Variants in ZNF718 observed in about 807,000 individuals in gnomAD.
ZNF718 encodes the protein zinc finger protein 718.
ZNF718 carries 3 observed loss-of-function variants against 2.6 expected under a neutral mutation model. The ratio of observed to expected loss-of-function variants is 1.16; its 90% CI spans 0.53 to 3.01. The LOEUF (loss-of-function observed/expected upper bound fraction) is 3.01, where lower values mean the gene tolerates loss of function less well. ZNF718 is among the 30% of genes most tolerant of loss of function. ZNF718 has a pLI of 0.03. For synonymous variants in ZNF718, 135 were observed against 77.9 expected, an observed-to-expected ratio of 1.73 and a Z score of -3.86; for missense variants, 468 against 230.0, an observed-to-expected ratio of 2.03 and a Z score of -6.69.
intron 3 of ZNF718, among the ~76,000 whole-genome samples, chr4:183,419 C>T: frequency 6.6e-6 from 1 of 152,124 alleles, no homozygotes; most frequent in East Asian, 1.9e-4. Flanking sequence ...AGTATAGTTT[C>T]AAGTCAGGTA....
chr4:160,459 A>G (rs1370045652), intron 3 of ZNF718, among the ~76,000 whole-genome samples: 1 of 152,184 alleles, frequency 6.6e-6, no homozygotes, highest in Non-Finnish European at 1.5e-5. Flanking sequence ...GGCCTGTGGT[A>G]TTTACTGAGC....
At chr4:126,330 T>C (rs985741656) in intron 1 of ZNF718, among the ~76,000 whole-genome samples, 72 of 152,238 alleles carry the variant, frequency 4.7e-4, no homozygotes, top group African/African-American at 1.7e-3. Flanking sequence ...AGCATTTAGG[T>C]GGAAAATTTT....
In ZNF718 at chr4:128,520, C is replaced by G. The variant is rs1210522313; in HGVS notation, c.4-2268C>G. Among the ~76,000 whole-genome samples, 2 of 102,874 alleles carry G rather than the reference C, an allele frequency of 1.9e-5. 1 individual carries two copies. The highest frequency in any genetic ancestry group is 6.8e-5 in the African/African-American group (2 of 29,462). The allele number at this position is 102,874 out of a possible 152,430, so 67.5% of individuals were successfully genotyped here. The stretch of plus-strand genomic sequence containing the variant: ...GTCCTTCTTCTTACCTCAGAGTTAG[C>G]TGATCAGGGACAGGGGATATCACAT... On this transcript the variant is annotated intron_variant, in intron 1 of 3. Transcript: ENST00000510175.
Position 130,813 on chromosome 4 carries a change from C to G in ZNF718, c.29C>G (p.Ala10Gly). The G allele has an allele frequency of 7.7e-6, 3 of 391,978 alleles. 1 individual carries two copies. Among genetic ancestry groups the G allele is most frequent in the South Asian group, 3.8e-5 (1 of 25,986 alleles). 24.3% of individuals were successfully genotyped at this position (391,978 alleles called of 1,614,324 possible). A position where few individuals can be genotyped will look rare whatever the true frequency, so the allele number is the denominator to read the frequency against. The change falls in exon 2 of 4, where the codon GCC becomes GGC. Residue 10 changes from alanine (A) to glycine (G), a missense_variant. By Grantham distance (60) the Ala-to-Gly change is moderately conservative (BLOSUM62 0). Coordinates refer to ENST00000510175, the MANE Select transcript of ZNF718 (RefSeq NM_001039127.6). MELLTFKDV[A>G]IEFSPEEWKC... ...GAACTCTTAACATTCAAGGATGTGG[C>G]CATAGAATTCTCTCCAGAAGAGTGG...
intron 3 of ZNF718, among the ~76,000 whole-genome samples, chr4:177,606 C>T (rs1027126974): frequency 2.0e-5 from 3 of 152,162 alleles, no homozygotes; most frequent in Non-Finnish European, 1.5e-5. Flanking sequence ...CACCTAGAAA[C>T]TCTCAGAGTT....
chr4:167,556 G>A (rs1023871500), downstream of ZNF718, among the ~76,000 whole-genome samples: 1 of 152,086 alleles, frequency 6.6e-6, no homozygotes, highest in Non-Finnish European at 1.5e-5. Flanking sequence ...TCCTTGAAGA[G>A]GTCCTTCACA....
Position 130,309 on chromosome 4 carries a change from ATTT to A in ZNF718, c.4-478_4-476del, listed in dbSNP as rs2108779226. On this transcript the variant is annotated intron_variant, in intron 1 of 3. Transcript: ENST00000510175. ...ACAGTGAGGCTTTGAATACCAAATAATTTATATGCATTTTGAACCTTAGAGGCA... is the reference window on the plus strand; with the variant it reads ...ACAGTGAGGCTTTGAATACCAAATAAATATGCATTTTGAACCTTAGAGGCA... 3.9e-5 allele frequency among the ~76,000 whole-genome samples: 4 copies of A among 103,638 alleles called. 1 individual carries two copies. The East Asian group carries it at 2.1e-3, about 56-fold the overall frequency. The allele number at this position is 103,638 out of a possible 152,430, so 68.0% of individuals were successfully genotyped here. A position where few individuals can be genotyped will look rare whatever the true frequency, so the allele number is the denominator to read the frequency against.
In ZNF718 at chr4:127,532, G is replaced by A. The variant is rs1174262745; in HGVS notation, c.3+2859G>A. Among the ~76,000 whole-genome samples the A allele has an allele frequency of 2.9e-5, 3 of 104,350 alleles. 1 individual carries two copies. Among genetic ancestry groups the A allele is most frequent in the Admixed American group, 2.1e-4 (2 of 9,714 alleles). The allele number at this position is 104,350 out of a possible 152,430, so 68.5% of individuals were successfully genotyped here. A position where few individuals can be genotyped will look rare whatever the true frequency, so the allele number is the denominator to read the frequency against. The stretch of plus-strand genomic sequence containing the variant: ...CCCTCCTCCCTTTGCCCAAATGCCC[G>A]CAAATGTGCATAGCTCACCAGCCCT... On this transcript the variant is annotated intron_variant, in intron 1 of 3. Coordinates refer to ENST00000510175, the MANE Select transcript of ZNF718 (RefSeq NM_001039127.6).
chr4:157,821 G>A (rs1177627558), intron 3 of ZNF718, among the ~76,000 whole-genome samples: 1 of 152,124 alleles, frequency 6.6e-6, no homozygotes, highest in African/African-American at 2.4e-5. Context: ...TCATTGAGCA[G>A]TGTTTTCTAC....
intron 3 of ZNF718, among the ~76,000 whole-genome samples, chr4:175,852 CTTT>C (rs1158577358): frequency 7.1e-5 from 7 of 98,928 alleles, no homozygotes; most frequent in African/African-American, 2.7e-4. Flanking sequence ...GATTAACAGT[CTTT>C]TTTTTTTTTT....
intron 3 of ZNF718, among the ~76,000 whole-genome samples, chr4:152,569 G>C (rs1383938084): frequency 6.6e-6 from 1 of 151,416 alleles, no homozygotes; most frequent in Admixed American, 6.6e-5. Flanking sequence ...CAGAGAGCAC[G>C]GGGTTGGGGG....
At chr4:125,009 A>C (rs1715136145) in intron 1 of ZNF718, 1 of 257,376 alleles carries the variant, frequency 3.9e-6, no homozygotes, top group Admixed American at 4.9e-5. Context: ...CCTGTTCAGA[A>C]TGAGATTGAG....
chr4:183,008 A>G (rs1717498944), intron 3 of ZNF718, among the ~76,000 whole-genome samples: 1 of 151,784 alleles, frequency 6.6e-6, no homozygotes, highest in South Asian at 2.1e-4. Context: ...GTTTAATTAG[A>G]TCTCATTTTT....
downstream of ZNF718, among the ~76,000 whole-genome samples, chr4:165,398 A>G (rs574309440): frequency 6.6e-6 from 1 of 151,364 alleles, no homozygotes; most frequent in Admixed American, 6.6e-5. Context: ...TAAATGAAAC[A>G]TAAGCTAGAA....
At chr4:157,937 C>A (rs1450673728) in intron 3 of ZNF718, among the ~76,000 whole-genome samples, 3 of 151,994 alleles carry the variant, frequency 2.0e-5, no homozygotes, top group Non-Finnish European at 4.4e-5. Context: ...ATCAAAATAT[C>A]CTAGTATAAT....
At chr4:200,416 G>A (rs1451452838) in intron 3 of ZNF718, among the ~76,000 whole-genome samples, 1 of 152,102 alleles carries the variant, frequency 6.6e-6, no homozygotes, top group Non-Finnish European at 1.5e-5. Context: ...TTACAGGCAT[G>A]TGCCACCATG....
At chr4:166,626 C>CT (rs1717093766), downstream of ZNF718, among the ~76,000 whole-genome samples, 1 of 152,126 alleles carries the variant, frequency 6.6e-6, no homozygotes, top group South Asian at 2.1e-4. Context: ...TTTCATGTGT[C>CT]TCTTGGCTAC....
At chr4:153,596 G>A (rs1716434949) in intron 3 of ZNF718, among the ~76,000 whole-genome samples, 1 of 151,846 alleles carries the variant, frequency 6.6e-6, no homozygotes, top group African/African-American at 2.4e-5. Context: ...AATTTTCAGT[G>A]TAGAGTGTTC....
At chr4:167,778 A>G (rs540627733), downstream of ZNF718, among the ~76,000 whole-genome samples, 10 of 152,258 alleles carry the variant, frequency 6.6e-5, no homozygotes, top group African/African-American at 2.2e-4. Context: ...TTCTTGATAT[A>G]CAATCTTGTC....
Sources: allele counts gnomAD v4.1 joint callset (sites outside exome capture counted in the v4.1 genomes callset), GRCh38; gene constraint gnomAD v4.1.1; transcripts MANE v1.5; gene names NCBI Gene and HGNC (gene_info 2026-07-23, HGNC 2026-07-21).